The following VTI1A variants were observed in gnomAD, a reference collection of about 807,000 sequenced individuals.
VTI1A encodes the protein vesicle transport through interaction with t-SNAREs 1A.
VTI1A carries 22 observed loss-of-function variants against 34.9 expected under a neutral mutation model. The observed-to-expected ratio is 0.63, with a 90% CI of 0.45 to 0.90. The LOEUF (loss-of-function observed/expected upper bound fraction) is 0.90, where lower values mean the gene tolerates loss of function less well. Ranked by LOEUF, VTI1A falls within the 40% of genes least tolerant of loss-of-function variation. VTI1A has a pLI of 0.00. For missense variants in VTI1A, 268 were observed against 275.6 expected (o/e 0.97, Z 0.20); for synonymous variants, 87 against 97.3 (o/e 0.89, Z 0.62).
intron 3 of VTI1A, among the ~76,000 whole-genome samples, chr10:112,479,134 T>A (rs990174361): frequency 3.9e-5 from 6 of 152,128 alleles, no homozygotes; most frequent in African/African-American, 1.4e-4. Context: ...GCCACTGCAC[T>A]CCAGCCTGGC....
In VTI1A at chr10:112,620,219, C is replaced by T. The variant is rs536699862; in HGVS notation, c.428-47999C>T. On this transcript the variant is annotated intron_variant, in intron 5 of 7. Coordinates refer to ENST00000393077, the MANE Select transcript of VTI1A (RefSeq NM_145206.4). Reference sequence around the variant, plus strand: ...AAATCTCTTTGGGGTATTATTGTTACTGATCATTGAAGCTATTTGATCCAA... The same window carrying T: ...AAATCTCTTTGGGGTATTATTGTTATTGATCATTGAAGCTATTTGATCCAA... 2.8e-4 allele frequency among the ~76,000 whole-genome samples: 40 copies of T among 144,536 alleles called. 1 individual carries two copies. The highest frequency in any genetic ancestry group is 2.4e-4 in the Non-Finnish European group (16 of 67,964). 94.8% of individuals were successfully genotyped at this position (144,536 alleles called of 152,430 possible). A position where few individuals can be genotyped will look rare whatever the true frequency, so the allele number is the denominator to read the frequency against.
chr10:112,486,917 C>T (rs1386396898), intron 3 of VTI1A, among the ~76,000 whole-genome samples: 1 of 151,794 alleles, frequency 6.6e-6, no homozygotes, highest in African/African-American at 2.4e-5. Context: ...GATTTTGCCA[C>T]ATTTAATCTC....
chr10:112,709,279 G>T (rs1216185716), intron 7 of VTI1A, among the ~76,000 whole-genome samples: 2 of 152,162 alleles, frequency 1.3e-5, no homozygotes, highest in Non-Finnish European at 2.9e-5. Flanking sequence ...GGGACAGAAA[G>T]TTGGAGCCCT....
intron 7 of VTI1A, among the ~76,000 whole-genome samples, chr10:112,771,252 A>G (rs769254905): frequency 2.0e-5 from 3 of 152,266 alleles, no homozygotes; most frequent in Non-Finnish European, 4.4e-5. Flanking sequence ...AGTTGGAAGA[A>G]CTAAATGAGA....
chr10:112,812,332 G>T lies in VTI1A; in HGVS notation c.561-2958G>T, dbSNP rs150904866. 2.0e-3 allele frequency among the ~76,000 whole-genome samples: 304 copies of T among 152,318 alleles called. 1 individual carries two copies. Among genetic ancestry groups the T allele is most frequent in the African/African-American group, 6.9e-3 (288 of 41,566 alleles). On this transcript the variant is annotated intron_variant, in intron 7 of 7. Coordinates refer to ENST00000393077, the MANE Select transcript of VTI1A (RefSeq NM_145206.4). ...AAGCCCTCCCCTTGCCCAAAGTTAGGAGGAAGTTACTTTGGGCTTCTCCCC... is the reference window on the plus strand; with the variant it reads ...AAGCCCTCCCCTTGCCCAAAGTTAGTAGGAAGTTACTTTGGGCTTCTCCCC...
intron 5 of VTI1A, among the ~76,000 whole-genome samples, chr10:112,576,651 AT>A (rs1215724190): frequency 6.6e-6 from 1 of 152,244 alleles, no homozygotes; most frequent in African/African-American, 2.4e-5. Context: ...TAATGGTAAT[AT>A]TTTAATGATG....
chr10:112,801,367 G>A (rs746990031), intron 7 of VTI1A, among the ~76,000 whole-genome samples: 6 of 152,176 alleles, frequency 3.9e-5, no homozygotes, highest in African/African-American at 1.2e-4. Context: ...ATGACATCTT[G>A]TATGCAATAA....
chr10:112,620,250 A>G (rs1431217940), intron 5 of VTI1A, among the ~76,000 whole-genome samples: 1 of 152,198 alleles, frequency 6.6e-6, no homozygotes, highest in Non-Finnish European at 1.5e-5. Context: ...TCCAACAAGC[A>G]TTTATTCTTT....
rs189875314 is a variant in VTI1A, at chr10:112,767,946, C to T, written c.561-47344C>T. Among the ~76,000 whole-genome samples the T allele has an allele frequency of 0.018, 2,738 of 152,206 alleles. 77 individuals carry two copies. Among genetic ancestry groups the T allele is most frequent in the African/African-American group, 0.063 (2,605 of 41,508 alleles). ...CCAGAGGCACTAGTGTCACAGAAGC[C>T]GGACACGTATTACTTCCCCCTTGGA... is the stretch of plus-strand genomic sequence containing the variant. On this transcript the variant is annotated intron_variant, in intron 7 of 7. Coordinates refer to ENST00000393077, the MANE Select transcript of VTI1A (RefSeq NM_145206.4). This position sits in a 1 kb window ranked among gnomAD's most constrained non-coding sequence, Gnocchi z 4.0.
At chr10:112,502,151 T>A (rs1849266533) in intron 3 of VTI1A, among the ~76,000 whole-genome samples, 1 of 151,446 alleles carries the variant, frequency 6.6e-6, no homozygotes, top group African/African-American at 2.4e-5. Flanking sequence ...CCTCGGCATT[T>A]TGAGTAGCTG....
chr10:112,658,054 T>C (rs1847299532), intron 5 of VTI1A, among the ~76,000 whole-genome samples: 1 of 152,154 alleles, frequency 6.6e-6, no homozygotes, highest in Admixed American at 6.6e-5. Flanking sequence ...CCCAACTTCC[T>C]GCATTCTAGT....
At chr10:112,759,883 G>A (rs540641263) in intron 7 of VTI1A, among the ~76,000 whole-genome samples, 4 of 152,132 alleles carry the variant, frequency 2.6e-5, no homozygotes, top group South Asian at 4.1e-4. Context: ...ACATATTCTC[G>A]GAGTGAGGGG....
At chr10:112,618,460 T>G (rs1845585083) in intron 5 of VTI1A, among the ~76,000 whole-genome samples, 1 of 136,902 alleles carries the variant, frequency 7.3e-6, no homozygotes, top group South Asian at 2.3e-4. Context: ...CCTGATAGGT[T>G]GGGATAATGA....
chr10:112,605,409 AG>A (rs1380767813), intron 5 of VTI1A, among the ~76,000 whole-genome samples: 1 of 152,202 alleles, frequency 6.6e-6, no homozygotes, highest in Non-Finnish European at 1.5e-5. Context: ...CTACTTTTCC[AG>A]GGAGGGAGTA....
chr10:112,829,886 T>C, the VTI1A span, among the ~76,000 whole-genome samples: 40 of 152,200 alleles, frequency 2.6e-4, no homozygotes, highest in African/African-American at 9.7e-4. Flanking sequence ...GCATCTAGAA[T>C]GTAGTTCTTT....
chr10:112,516,682 A>G (rs1849793885), intron 3 of VTI1A, among the ~76,000 whole-genome samples: 1 of 152,102 alleles, frequency 6.6e-6, no homozygotes, highest in Non-Finnish European at 1.5e-5. Flanking sequence ...GGACTAATGC[A>G]TAAGATAACA....
At chr10:112,691,270 TAA>T in intron 7 of VTI1A, among the ~76,000 whole-genome samples, 1 of 143,146 alleles carries the variant, frequency 7.0e-6, no homozygotes, top group South Asian at 2.1e-4. Context: ...CAAAAATAAA[TAA>T]ATAAATAAAT....
chr10:112,580,761 G>A (rs1257885568), intron 5 of VTI1A, among the ~76,000 whole-genome samples: 1 of 152,150 alleles, frequency 6.6e-6, no homozygotes, highest in Non-Finnish European at 1.5e-5. Flanking sequence ...GGGGCATCAG[G>A]TGATTGACAT....
Position 112,466,634 on chromosome 10 carries a change from T to C in VTI1A, c.264+1977T>C, listed in dbSNP as rs1287859823. The stretch of plus-strand genomic sequence containing the variant: ...TCTACCTGAAGTTAAAGTTTCAATA[T>C]AAATGATGAAAGCAAAATAACATGT... On this transcript the variant is annotated intron_variant, in intron 3 of 7. Transcript: ENST00000393077. Among the ~76,000 whole-genome samples, 6 of 152,190 alleles carry C rather than the reference T, an allele frequency of 3.9e-5. No homozygotes were observed. The East Asian group carries it at 1.2e-3, about 29-fold the overall frequency.
Sources: allele counts gnomAD v4.1 joint callset (sites outside exome capture counted in the v4.1 genomes callset), GRCh38; gene constraint gnomAD v4.1.1; non-coding constraint Gnocchi (gnomAD v3.1); transcripts MANE v1.5; gene names NCBI Gene and HGNC (gene_info 2026-07-23, HGNC 2026-07-21).